The following FARS2 variants were observed in gnomAD, a reference collection of about 807,000 sequenced individuals.
FARS2 encodes phenylalanine--tRNA ligase, mitochondrial.
A neutral mutation model predicts 46.4 loss-of-function variants in FARS2; 40 were observed. That is an observed-to-expected ratio of 0.86 (90% CI 0.67 to 1.12). The LOEUF (loss-of-function observed/expected upper bound fraction) is 1.12, where lower values mean the gene tolerates loss of function less well. Ranked by LOEUF, FARS2 falls within the 50% of genes most tolerant of loss-of-function variation. FARS2 has a pLI of 0.00. For missense variants in FARS2, 513 were observed against 567.9 expected (o/e 0.90, Z 0.98); for synonymous variants, 234 against 214.9 (o/e 1.09, Z -0.78).
At chr6:5,580,301 A>AAG (rs1773252591) in intron 5 of FARS2, among the ~76,000 whole-genome samples, 1 of 151,100 alleles carries the variant, frequency 6.6e-6, no homozygotes, top group Non-Finnish European at 1.5e-5. Flanking sequence ...AAAAAAAAAA[A>AAG]AAAAAGAGAA....
In FARS2 at chr6:5,717,927, T is replaced by TAGAGAGAGAGAGAGAGAGAGAGAG. The variant is rs1410102835; in HGVS notation, c.1218-53363_1218-53362insGAGAGAGAGAGAGAGAGAGAGAGA. ...TATCAGCTATATATATATATATATATATATATATACAGAGTCTCACTCTGT... is the reference window on the plus strand; with the variant it reads ...TATCAGCTATATATATATATATATATAGAGAGAGAGAGAGAGAGAGAGAGATATATATACAGAGTCTCACTCTGT... On this transcript the variant is annotated intron_variant, in intron 6 of 6. Coordinates refer to ENST00000274680, the MANE Select transcript of FARS2 (RefSeq NM_006567.5). Among the ~76,000 whole-genome samples, 108 of 74,228 alleles carry TAGAGAGAGAGAGAGAGAGAGAGAG rather than the reference T, an allele frequency of 1.5e-3. 1 individual carries two copies. Among genetic ancestry groups the TAGAGAGAGAGAGAGAGAGAGAGAG allele is most frequent in the African/African-American group, 0.01 (97 of 9,262 alleles). 48.7% of individuals were successfully genotyped at this position (74,228 alleles called of 152,430 possible).
intron 6 of FARS2, among the ~76,000 whole-genome samples, chr6:5,646,107 CAGAGAGGGAGCAGCAGGGAGATA>C (rs1369603481): frequency 2.6e-5 from 4 of 152,078 alleles, no homozygotes; most frequent in Admixed American, 6.5e-5. Context: ...ACTGACATGA[CAGAGAGGGAGCAGCAGGGAGATA>C]AGAGAGGGAG....
chr6:5,306,473 C>T (rs1311842087), intron 1 of FARS2, among the ~76,000 whole-genome samples: 8 of 152,110 alleles, frequency 5.3e-5, no homozygotes, highest in African/African-American at 1.9e-4. Flanking sequence ...ATGTGAACCT[C>T]GTAAGCTGTC....
At chr6:5,315,298 T>G (rs1769386209) in intron 1 of FARS2, among the ~76,000 whole-genome samples, 1 of 152,208 alleles carries the variant, frequency 6.6e-6, no homozygotes, top group South Asian at 2.1e-4. Flanking sequence ...TCTTCCTTTA[T>G]GTCTACACTG....
At chr6:5,399,168 TATTATTATC>T (rs76337134) in intron 2 of FARS2, among the ~76,000 whole-genome samples, 9,030 of 117,362 alleles carry the variant, frequency 0.077, 335 homozygotes, top group East Asian at 0.14. Flanking sequence ...TTATTATTAT[TATTATTATC>T]ATCATCATCA....
intron 5 of FARS2, among the ~76,000 whole-genome samples, chr6:5,569,744 G>C (rs1387613476): frequency 6.6e-6 from 1 of 152,166 alleles, no homozygotes; most frequent in African/African-American, 2.4e-5. Context: ...CTTTAAGAGA[G>C]GATGGTCCAG....
At chr6:5,724,721 T>C (rs1760140672) in intron 6 of FARS2, among the ~76,000 whole-genome samples, 1 of 152,222 alleles carries the variant, frequency 6.6e-6, no homozygotes, top group Admixed American at 6.5e-5. Flanking sequence ...TCAGCCTCTG[T>C]GCATAGCAGC....
intron 6 of FARS2, among the ~76,000 whole-genome samples, chr6:5,645,031 C>T (rs957734885): frequency 1.1e-4 from 17 of 152,210 alleles, no homozygotes; most frequent in Non-Finnish European, 2.5e-4. Flanking sequence ...AGAATAGTAC[C>T]TTATTAAACA....
chr6:5,397,812 A>G (rs1425633713), intron 2 of FARS2, among the ~76,000 whole-genome samples: 2 of 152,090 alleles, frequency 1.3e-5, no homozygotes, highest in Admixed American at 6.5e-5. Flanking sequence ...TCCTTTGTTT[A>G]TTATGACTTT....
intron 1 of FARS2, among the ~76,000 whole-genome samples, chr6:5,272,756 T>C (rs73365018): frequency 0.041 from 6,262 of 152,250 alleles, 284 homozygotes; most frequent in African/African-American, 0.12. Context: ...CTAAGTCTTA[T>C]CTCTTCTATC....
intron 1 of FARS2, among the ~76,000 whole-genome samples, chr6:5,364,050 A>G (rs1282900402): frequency 6.6e-6 from 1 of 152,196 alleles, no homozygotes; most frequent in Non-Finnish European, 1.5e-5. Context: ...ACAAAAGATG[A>G]TCTGAACAAA....
At chr6:5,498,762 A>G (rs917558777) in intron 4 of FARS2, among the ~76,000 whole-genome samples, 3 of 152,224 alleles carry the variant, frequency 2.0e-5, no homozygotes, top group African/African-American at 7.2e-5. Flanking sequence ...ACAGCAGGAT[A>G]GGAGCATGAA....
intron 6 of FARS2, among the ~76,000 whole-genome samples, chr6:5,717,195 G>A (rs940467380): frequency 2.6e-5 from 4 of 152,168 alleles, no homozygotes; most frequent in Non-Finnish European, 5.9e-5. Context: ...GGGAGAAAAA[G>A]GAGCAGGGAA....
At chr6:5,604,754 A>G (rs1477323804) in intron 5 of FARS2, among the ~76,000 whole-genome samples, 1 of 149,314 alleles carries the variant, frequency 6.7e-6, no homozygotes, top group African/African-American at 2.5e-5. Flanking sequence ...TGTATATATC[A>G]TGTTAGTAAA....
At chr6:5,492,481 A>C (rs1023696334) in intron 4 of FARS2, among the ~76,000 whole-genome samples, 1 of 152,226 alleles carries the variant, frequency 6.6e-6, no homozygotes, top group African/African-American at 2.4e-5. Context: ...TGCTGGTTTT[A>C]TTTAAATGGG....
intron 6 of FARS2, among the ~76,000 whole-genome samples, chr6:5,724,775 T>C (rs1659060176): frequency 6.6e-6 from 1 of 152,256 alleles, no homozygotes; most frequent in Admixed American, 6.5e-5. Context: ...GGAATTCTTC[T>C]TTACATTGAG....
At chr6:5,530,857 T>G (rs1769783542) in intron 4 of FARS2, among the ~76,000 whole-genome samples, 1 of 147,676 alleles carries the variant, frequency 6.8e-6, no homozygotes, top group South Asian at 2.1e-4. Flanking sequence ...AATAGATATA[T>G]ATTTATACTT....
intron 1 of FARS2, among the ~76,000 whole-genome samples, chr6:5,350,219 G>T (rs1757492509): frequency 6.8e-6 from 1 of 147,418 alleles, no homozygotes; most frequent in South Asian, 2.2e-4. Context: ...TGTTGCCCAG[G>T]CTGATCTCAA....
intron 5 of FARS2, among the ~76,000 whole-genome samples, chr6:5,576,818 G>A (rs942635244): frequency 4.0e-5 from 6 of 151,752 alleles, no homozygotes; most frequent in African/African-American, 9.7e-5. Flanking sequence ...TCAATGAGTA[G>A]CAATTCCTTA....
Sources: gnomAD v4.1 joint callset for allele counts (sites outside exome capture counted in the v4.1 genomes callset) on GRCh38, gnomAD v4.1.1 for gene constraint, MANE v1.5 for transcripts, NCBI Gene and HGNC (gene_info 2026-07-23, HGNC 2026-07-21) for gene names.